STARD13: variants seen among roughly 807,000 people sequenced by gnomAD.
The protein encoded by STARD13 is StAR related lipid transfer domain containing 13, also known as stAR-related lipid transfer protein 13.
A neutral mutation model predicts 106.4 loss-of-function variants in STARD13; 62 were observed. That is an observed-to-expected ratio of 0.58 (90% confidence interval 0.48 to 0.72). The LOEUF (loss-of-function observed/expected upper bound fraction) is 0.72, where lower values mean the gene tolerates loss of function less well. Among genes scored for constraint, STARD13 ranks in the 30% least tolerant of loss-of-function variants. The pLI is 0.00. For synonymous variants in STARD13, 565 were observed against 553.0 expected, an observed-to-expected ratio of 1.02 and a Z score of -0.31; for missense variants, 1,387 against 1,424.0, an observed-to-expected ratio of 0.97 and a Z score of 0.42.
the STARD13 span, among the ~76,000 whole-genome samples, chr13:33,407,393 G>C: frequency 2.6e-5 from 4 of 152,242 alleles, no homozygotes; most frequent in East Asian, 7.7e-4. Flanking sequence ...AAAGCGCTTC[G>C]GGTACCACAA....
the STARD13 span, among the ~76,000 whole-genome samples, chr13:33,516,227 T>C: frequency 2.0e-5 from 3 of 148,302 alleles, no homozygotes; most frequent in Middle Eastern, 3.6e-3. Context: ...TCAGTATCTA[T>C]AATTCATTAT....
chr13:33,437,275 C>G, the STARD13 span, among the ~76,000 whole-genome samples: 4 of 152,076 alleles, frequency 2.6e-5, no homozygotes, highest in Non-Finnish European at 4.4e-5. Context: ...GTCACGTGTA[C>G]CCCCTGCTTG....
intron 7 of STARD13, among the ~76,000 whole-genome samples, chr13:33,125,330 T>A (rs539371256): frequency 6.6e-6 from 1 of 152,310 alleles, no homozygotes; most frequent in Non-Finnish European, 1.5e-5. Context: ...ATTTATCAAT[T>A]AAGAACACAA....
At chr13:33,126,288 TG>T (rs761821466) in intron 6 of STARD13, 48 bp from the exon 7 acceptor site, 1 of 1,591,834 alleles carries the variant, frequency 6.3e-7, no homozygotes, top group Non-Finnish European at 8.6e-7. Context: ...GGTCACACTG[TG>T]GGGTGAGGCT....
chr13:33,533,901 T>C, the STARD13 span, among the ~76,000 whole-genome samples: 3 of 152,198 alleles, frequency 2.0e-5, no homozygotes, highest in East Asian at 5.8e-4. Flanking sequence ...CATCAGAAGG[T>C]GTTTTCCATT....
intron 1 of STARD13, among the ~76,000 whole-genome samples, chr13:33,255,103 C>G (rs565540304): frequency 1.8e-4 from 26 of 143,032 alleles, no homozygotes; most frequent in African/African-American, 4.5e-4. Context: ...TGTGCTCCCC[C>G]CCCCCTCAGA....
the STARD13 span, among the ~76,000 whole-genome samples, chr13:33,412,069 G>A: frequency 3.3e-5 from 5 of 152,196 alleles, no homozygotes; most frequent in African/African-American, 1.2e-4. Context: ...CTCCTCTTGT[G>A]TCTTCCACAT....
chr13:33,138,996 A>T, intron 4 of STARD13: 4 of 348,292 alleles, frequency 1.1e-5, no homozygotes, highest in Non-Finnish European at 2.3e-5. Flanking sequence ...CATCACCATC[A>T]TCACCTATTT....
At chr13:33,253,289 G>T (rs1160511634) in intron 1 of STARD13, among the ~76,000 whole-genome samples, 1 of 152,176 alleles carries the variant, frequency 6.6e-6, no homozygotes, top group East Asian at 1.9e-4. Flanking sequence ...GTGATGTGAT[G>T]TTCACTATTC....
chr13:33,557,581 A>C, the STARD13 span, among the ~76,000 whole-genome samples: 1 of 152,076 alleles, frequency 6.6e-6, no homozygotes, highest in Non-Finnish European at 1.5e-5. Flanking sequence ...ATTGTATCTT[A>C]TTTCTCTTTA....
chr13:33,621,536 CG>C, the STARD13 span, among the ~76,000 whole-genome samples: 1 of 151,218 alleles, frequency 6.6e-6, no homozygotes, highest in Non-Finnish European at 1.5e-5. Context: ...AGAAATTAGC[CG>C]GGTGTGGTGG....
At chr13:33,534,708 G>A in the STARD13 span, among the ~76,000 whole-genome samples, 1 of 152,000 alleles carries the variant, frequency 6.6e-6, no homozygotes, top group Admixed American at 6.6e-5. Context: ...ATTCTTCTAA[G>A]TGTCTAGTAT....
the STARD13 span, among the ~76,000 whole-genome samples, chr13:33,403,943 T>C: frequency 1.3e-5 from 2 of 152,262 alleles, no homozygotes; most frequent in African/African-American, 4.8e-5. Context: ...CTTTTTCTCC[T>C]CTAGATTCTT....
intron 1 of STARD13, among the ~76,000 whole-genome samples, chr13:33,239,898 T>G (rs890547900): frequency 4.6e-5 from 7 of 152,208 alleles, no homozygotes; most frequent in African/African-American, 1.7e-4. Flanking sequence ...TTAAGTTTGA[T>G]GTAGTCCCAT....
chr13:33,279,897 G>C (rs1891678100), intron 1 of STARD13: 1 of 151,732 alleles, frequency 6.6e-6, no homozygotes, highest in African/African-American at 2.4e-5. Context: ...TTCTGTACAG[G>C]CCCTCCAAAC....
chr13:33,445,037 C>G, the STARD13 span, among the ~76,000 whole-genome samples: 2 of 152,146 alleles, frequency 1.3e-5, no homozygotes, highest in Non-Finnish European at 2.9e-5. Context: ...CAGAACTGCG[C>G]TAAGTAACCA....
chr13:33,350,706 C>T, upstream of STARD13: 1 of 1,080,058 alleles, frequency 9.3e-7, no homozygotes, highest in Non-Finnish European at 1.1e-6. Context: ...GTTGGGCGCT[C>T]CTCCACTCCC....
chr13:33,330,811 C>T (rs2077827871), intron 1 of STARD13, among the ~76,000 whole-genome samples: 1 of 152,110 alleles, frequency 6.6e-6, no homozygotes, highest in African/African-American at 2.4e-5. Context: ...CCCCCAGAGA[C>T]CGGAAACCCA....
chr13:33,279,239 A>T lies in STARD13; in HGVS notation c.169+6231T>A, dbSNP rs547943267. On this transcript the variant is annotated intron_variant, in intron 1 of 13. Coordinates refer to ENST00000336934, the MANE Select transcript of STARD13 (RefSeq NM_178006.4). ...CCACTTATCATTTGTTCTCTTTTTAAATCTGTTTTAGGTCATCAATTGATA... is the reference window on the plus strand; with the variant it reads ...CCACTTATCATTTGTTCTCTTTTTATATCTGTTTTAGGTCATCAATTGATA... Among the ~76,000 whole-genome samples, 4 of 152,202 alleles carry T rather than the reference A, an allele frequency of 2.6e-5. No homozygotes were observed. In the South Asian group the frequency reaches 8.3e-4, roughly 32 times the overall value.
Sources: allele counts gnomAD v4.1 joint callset (sites outside exome capture counted in the v4.1 genomes callset), GRCh38; gene constraint gnomAD v4.1.1; transcripts MANE v1.5; gene names NCBI Gene and HGNC (gene_info 2026-07-23, HGNC 2026-07-21).